ZFX: variants seen among roughly 807,000 people sequenced by gnomAD.
The protein encoded by ZFX is zinc finger X-chromosomal protein.
For synonymous variants in ZFX, 196 were observed against 226.8 expected (o/e 0.86, Z 1.22); for missense variants, 362 against 628.3 (o/e 0.58, Z 4.53).
chrX:24,155,594 A>G (rs893074874), intron 3 of ZFX, among the ~76,000 whole-genome samples: 2 of 112,184 alleles, frequency 1.8e-5, no homozygotes, highest in Non-Finnish European at 3.8e-5. Context: ...TGCATTATCA[A>G]CTTTACTGGG....
Position 24,215,844 on chromosome X carries a change from T to TTGTGTGTGTGTG in ZFX, c.*4478_*4489dup, listed in dbSNP as rs3838207. The TTGTGTGTGTGTG allele has an allele frequency of 1.6e-4, 17 of 105,295 alleles. No individual in the cohort carries two copies. Among genetic ancestry groups the TTGTGTGTGTGTG allele is most frequent in the African/African-American group, 5.6e-4 (16 of 28,828 alleles). 8.7% of individuals were successfully genotyped at this position (105,295 alleles called of 1,213,427 possible). A position where few individuals can be genotyped will look rare whatever the true frequency, so the allele number is the denominator to read the frequency against. On this transcript the variant is annotated 3_prime_UTR_variant, in exon 10 of 10. Coordinates refer to ENST00000304543, the MANE Select transcript of ZFX (RefSeq NM_003410.4). ...TTTAAAAGAGAAGGGTTGAAAAAGA[T>TTGTGTGTGTGTG]TGTGTGTGTGTGTGTGTGTGTTTAA...
At chrX:24,207,155 C>T in intron 5 of ZFX, 171 bp from the exon 6 acceptor site, 2 of 443,314 alleles carry the variant, frequency 4.5e-6, no homozygotes, top group Non-Finnish European at 7.4e-6. Flanking sequence ...ATGGCTTGAA[C>T]CTGGGAGGCG....
At chrX:24,202,989 C>T (rs779849343) in intron 5 of ZFX, among the ~76,000 whole-genome samples, 107 of 112,047 alleles carry the variant, frequency 9.5e-4, no homozygotes, top group African/African-American at 3.3e-3. Context: ...GTGCCGTGAG[C>T]ACAAAGCAAT....
At position 24,181,930 on chromosome X, in the gene ZFX, G is replaced by A. The variant is rs1202574591; in HGVS notation, c.646+2160G>A. Among the ~76,000 whole-genome samples, 3 of 111,777 alleles carry A rather than the reference G, an allele frequency of 2.7e-5. No individual in the cohort carries two copies. The South Asian group carries it at 1.1e-3, about 42-fold the overall frequency. ...TTAGTGGCAGTGAACTGTTGAAATG[G>A]TTCATATATAAGATGATCTGAAGTA... On this transcript the variant is annotated intron_variant, in intron 5 of 9. Coordinates refer to ENST00000304543, the MANE Select transcript of ZFX (RefSeq NM_003410.4).
At chrX:24,153,974 C>G (rs1280527928) in intron 3 of ZFX, among the ~76,000 whole-genome samples, 1 of 110,872 alleles carries the variant, frequency 9.0e-6, no homozygotes, top group Non-Finnish European at 1.9e-5. Flanking sequence ...GGAGTAACCC[C>G]TCCCACCACC....
chrX:24,171,907 A>G (rs1325876282), intron 3 of ZFX, among the ~76,000 whole-genome samples: 3 of 31,383 alleles, frequency 9.6e-5, no homozygotes, highest in African/African-American at 1.7e-4. Flanking sequence ...AGAGAGAAGG[A>G]GAGAGAGAGA....
intron 1 of ZFX, chrX:24,150,186 G>A (rs1207111700): frequency 4.9e-5 from 5 of 101,667 alleles, no homozygotes; most frequent in East Asian, 3.2e-4. Context: ...CGGTGAGGGG[G>A]GGGGAGGGAC....
rs753073858 is a variant in ZFX at position 24,216,045 on chromosome X, G to T, written c.*4669G>T. 1 of 111,296 alleles carries T rather than the reference G, an allele frequency of 9.0e-6. No homozygotes were observed. Among genetic ancestry groups the T allele is most frequent in the Non-Finnish European group, 1.9e-5 (1 of 53,051 alleles). The allele number at this position is 111,296 out of a possible 1,213,427, so 9.2% of individuals were successfully genotyped here. ...GTTATATATTGTTCCTGTTATTTTTGACATCTTTGCTATTGTAAATAAATT... is the reference window on the plus strand; with the variant it reads ...GTTATATATTGTTCCTGTTATTTTTTACATCTTTGCTATTGTAAATAAATT... On this transcript the variant is annotated 3_prime_UTR_variant, in exon 10 of 10. Transcript: ENST00000304543.
intron 2 of ZFX, 115 bp downstream of exon 2, chrX:24,151,915 G>A (rs1258504343): frequency 8.9e-6 from 1 of 111,814 alleles, no homozygotes; most frequent in Non-Finnish European, 1.9e-5. Context: ...CAGAAGTTAA[G>A]CAAATTTTGC....
At chrX:24,149,640 C>T (rs1357234458), upstream of ZFX, 2 of 110,703 alleles carry the variant, frequency 1.8e-5, no homozygotes, top group Non-Finnish European at 3.8e-5. Context: ...ACGGCGGGCC[C>T]GTGCCGGGGA....
At chrX:24,164,530 C>A (rs765809548) in intron 3 of ZFX, among the ~76,000 whole-genome samples, 1 of 111,861 alleles carries the variant, frequency 8.9e-6, no homozygotes, top group South Asian at 3.7e-4. Context: ...AGTAAGTATG[C>A]ATTCATGTAG....
chrX:24,185,663 C>G (rs1024144274), intron 5 of ZFX, among the ~76,000 whole-genome samples: 2 of 112,256 alleles, frequency 1.8e-5, no homozygotes, highest in Non-Finnish European at 3.8e-5. Context: ...GTTGGCCAGG[C>G]TGGTCTCAAA....
chrX:24,168,302 T>C (rs528094940), intron 3 of ZFX, among the ~76,000 whole-genome samples: 1 of 112,180 alleles, frequency 8.9e-6, no homozygotes, highest in Non-Finnish European at 1.9e-5. Flanking sequence ...AGTTGAGTCA[T>C]AGAATTAACA....
intron 4 of ZFX, among the ~76,000 whole-genome samples, chrX:24,173,238 CT>C (rs1934794954): frequency 8.9e-6 from 1 of 112,144 alleles, no homozygotes; most frequent in Admixed American, 9.5e-5. Flanking sequence ...CTGGAAATAA[CT>C]TTTGCATTAT....
At chrX:24,209,665 C>T (rs1487879128) in intron 9 of ZFX, among the ~76,000 whole-genome samples, 1 of 110,966 alleles carries the variant, frequency 9.0e-6, no homozygotes, top group Non-Finnish European at 1.9e-5. Flanking sequence ...AACCTCTGCC[C>T]CCTGGGTACA....
chrX:24,194,740 T>TA (rs200842661), intron 5 of ZFX, among the ~76,000 whole-genome samples: 2 of 105,514 alleles, frequency 1.9e-5, no homozygotes, highest in Non-Finnish European at 3.9e-5. Flanking sequence ...TAGCCTACAG[T>TA]AAAAAATTTT....
chrX:24,173,726 G>A, intron 4 of ZFX: 1 of 482,047 alleles, frequency 2.1e-6, no homozygotes. Context: ...GGCTACAGGT[G>A]TGTGCCACAA....
intron 4 of ZFX, among the ~76,000 whole-genome samples, chrX:24,174,923 C>G (rs1406208499): frequency 9.1e-6 from 1 of 109,841 alleles, no homozygotes; most frequent in African/African-American, 3.3e-5. Flanking sequence ...GTTGCCCAGG[C>G]TGGTCTCGAA....
At chrX:24,202,496 A>T (rs1172581498) in intron 5 of ZFX, among the ~76,000 whole-genome samples, 1 of 111,529 alleles carries the variant, frequency 9.0e-6, no homozygotes, top group Non-Finnish European at 1.9e-5. Flanking sequence ...TACGGTGGAC[A>T]TTCCTCCTCC....
Sources: allele counts gnomAD v4.1 joint callset (sites outside exome capture counted in the v4.1 genomes callset), GRCh38; gene constraint gnomAD v4.1.1; transcripts MANE v1.5; gene names NCBI Gene and HGNC (gene_info 2026-07-23, HGNC 2026-07-21).